SUGP1: variants seen among roughly 807,000 people sequenced by gnomAD.
The protein encoded by SUGP1 is SURP and G-patch domain containing 1, also known as SURP and G-patch domain-containing protein 1.
A neutral mutation model predicts 76.5 loss-of-function variants in SUGP1; 34 were observed. The ratio of observed to expected loss-of-function variants is 0.44; its 90% CI spans 0.34 to 0.59. The LOEUF is 0.59. Among genes scored for constraint, SUGP1 ranks in the 20% least tolerant of loss-of-function variants. The probability of loss-of-function intolerance (pLI) is 0.01; values close to 1 mark genes in which losing one functional copy is unlikely to be tolerated. For synonymous variants in SUGP1, 326 were observed against 326.2 expected, an observed-to-expected ratio of 1.00 and a Z score of 0.01; for missense variants, 752 against 851.7, an observed-to-expected ratio of 0.88 and a Z score of 1.46.
chr19:19,300,797 G>A (rs2061266095), intron 7 of SUGP1, among the ~76,000 whole-genome samples: 1 of 152,108 alleles, frequency 6.6e-6, no homozygotes, highest in Non-Finnish European at 1.5e-5. Context: ...TGACAAGCTG[G>A]GCGCCTGTCA....
intron 7 of SUGP1, 28 bp from the exon 8 acceptor site, chr19:19,297,372 G>T: frequency 7.4e-7 from 1 of 1,349,278 alleles, no homozygotes; most frequent in Non-Finnish European, 1.0e-6. Context: ...GGGGTGCAGT[G>T]TCAGCTGGGC....
At chr19:19,297,736 G>C (rs2061239481) in intron 7 of SUGP1, among the ~76,000 whole-genome samples, 2 of 152,226 alleles carry the variant, frequency 1.3e-5, no homozygotes, top group Admixed American at 1.3e-4. Context: ...ACAGGGCAGA[G>C]GGACTTGTCT....
chr19:19,297,463 G>A, intron 7 of SUGP1, 119 bp from the exon 8 acceptor site: 5 of 587,230 alleles, frequency 8.5e-6, no homozygotes, highest in Non-Finnish European at 1.4e-5. Context: ...ATATGGTCAT[G>A]TCATAGTCAC....
chr19:19,303,493 T>C (rs932888304), intron 5 of SUGP1, 45 bp from the exon 6 acceptor site: 1 of 1,546,202 alleles, frequency 6.5e-7, no homozygotes, highest in African/African-American at 1.4e-5. Flanking sequence ...AATAAGTATC[T>C]GTGACAGGCA....
At chr19:19,280,161 G>A (rs757482424) in intron 9 of SUGP1, 24 bp downstream of exon 9, 30 of 1,607,378 alleles carry the variant, frequency 1.9e-5, no homozygotes, top group South Asian at 3.3e-5. Flanking sequence ...CCATGTCCCC[G>A]TCCCCTTGTC....
chr19:19,303,520 A>G, intron 5 of SUGP1, 72 bp from the exon 6 acceptor site: 2 of 1,475,386 alleles, frequency 1.4e-6, no homozygotes, highest in South Asian at 2.3e-5. Flanking sequence ...TGCAGCTTCT[A>G]TCGTGCAAAA....
At chr19:19,277,962 A>G (rs1034197056) in intron 11 of SUGP1, 83 bp from the exon 12 acceptor site, 30 of 1,556,180 alleles carry the variant, frequency 1.9e-5, no homozygotes, top group Non-Finnish European at 2.5e-5. Flanking sequence ...TTTGGTTTCA[A>G]TCAGTGCTGG....
Position 19,276,672 on chromosome 19 carries a change from G to A in SUGP1, c.1914C>T (p.Asn638=). 1 of 1,614,142 alleles carries A rather than the reference G, an allele frequency of 6.2e-7. No homozygotes were observed. Among genetic ancestry groups the A allele is most frequent in the Non-Finnish European group, 8.5e-7 (1 of 1,180,030 alleles). ...LAYRFRPNPL[N]NPRRPYY ...CTCAGTAGTAAGGCCGTCTGGGATT[G>A]TTCTGTGGAAGGCAAAACAGATAAC... Residue 638 remains asparagine (N), a splice_region_variant and synonymous_variant, in exon 14 of 14, where the codon AAC becomes AAT. Transcript: ENST00000247001.
chr19:19,288,056 T>G (rs2061154861), intron 8 of SUGP1, among the ~76,000 whole-genome samples: 1 of 151,388 alleles, frequency 6.6e-6, no homozygotes, highest in African/African-American at 2.4e-5. Flanking sequence ...TCCTCCCTTC[T>G]TTTTTTTTAA....
chr19:19,303,599 TG>T lies in SUGP1; in HGVS notation c.662+124del. 5 of 1,401,106 alleles carry T rather than the reference TG, an allele frequency of 3.6e-6. No individual in the cohort carries two copies. In the South Asian group the frequency reaches 4.8e-5, roughly 13 times the overall value. 86.8% of individuals were successfully genotyped at this position (1,401,106 alleles called of 1,614,324 possible). A position where few individuals can be genotyped will look rare whatever the true frequency, so the allele number is the denominator to read the frequency against. ...CCACATGGGAGCCACTTGTCACTTC[TG>T]GTGAGAATCAGAAAACGCTTGGAAC... On this transcript the variant is annotated intron_variant, in intron 5 of 13. Coordinates refer to ENST00000247001, the MANE Select transcript of SUGP1 (RefSeq NM_172231.4).
intron 7 of SUGP1, among the ~76,000 whole-genome samples, chr19:19,298,175 T>TAAAG (rs1178828447): frequency 1.3e-5 from 2 of 151,812 alleles, no homozygotes; most frequent in East Asian, 3.9e-4. Context: ...TAATGTGAAT[T>TAAAG]AAAGGGTCAA....
intron 2 of SUGP1, among the ~76,000 whole-genome samples, chr19:19,310,551 T>G (rs773241589): frequency 6.6e-6 from 1 of 152,190 alleles, no homozygotes; most frequent in South Asian, 2.1e-4. Flanking sequence ...TAGTTGATTA[T>G]CTGGGTTGTT....
At chr19:19,300,659 T>C (rs1361333808) in intron 7 of SUGP1, among the ~76,000 whole-genome samples, 1 of 152,200 alleles carries the variant, frequency 6.6e-6, no homozygotes, top group Non-Finnish European at 1.5e-5. Context: ...CACCCAGTTC[T>C]TTCCTGGTCC....
At chr19:19,296,935 C>T in intron 8 of SUGP1, 54 bp downstream of exon 8, 1 of 1,404,400 alleles carries the variant, frequency 7.1e-7, no homozygotes, top group African/African-American at 1.4e-5. Flanking sequence ...ACATTATGCT[C>T]AGTGAAAGAA....
At chr19:19,313,659 T>C (rs1466676759) in intron 2 of SUGP1, among the ~76,000 whole-genome samples, 2 of 152,018 alleles carry the variant, frequency 1.3e-5, no homozygotes, top group East Asian at 1.9e-4. Context: ...CAGTGAGCTA[T>C]GATAGTGCCA....
rs994608694 is a variant in SUGP1 at position 19,283,690 on chromosome 19, T to C, written c.1244-3399A>G. Among the ~76,000 whole-genome samples the C allele has an allele frequency of 1.1e-4, 16 of 152,136 alleles. 1 individual carries two copies. The highest frequency in any genetic ancestry group is 3.9e-4 in the African/African-American group (16 of 41,448). ...GGCTGGTCTCAAACTCCTGACTTCATTGATCCGCCCGCCTCGGCCTCCCAA... is the reference window on the plus strand; with the variant it reads ...GGCTGGTCTCAAACTCCTGACTTCACTGATCCGCCCGCCTCGGCCTCCCAA... On this transcript the variant is annotated intron_variant, in intron 8 of 13. Coordinates refer to ENST00000247001, the MANE Select transcript of SUGP1 (RefSeq NM_172231.4).
rs147525144 is a variant in SUGP1 at position 19,303,521 on chromosome 19, T to C, written c.663-73A>G. On this transcript the variant is annotated intron_variant, in intron 5 of 13. Transcript: ENST00000247001. ...GACAGGCATATCCCTGCAGCTTCTA[T>C]CGTGCAAAAAAAGGCAGGCTGGCGA... The C allele has an allele frequency of 0.012, 17,871 of 1,474,540 alleles. 131 individuals carry two copies. Among genetic ancestry groups the C allele is most frequent in the Middle Eastern group, 0.023 (132 of 5,798 alleles). 91.3% of individuals were successfully genotyped at this position (1,474,540 alleles called of 1,614,324 possible).
At chr19:19,301,648 C>A (rs964775266) in intron 7 of SUGP1, 3 of 152,758 alleles carry the variant, frequency 2.0e-5, no homozygotes, top group African/African-American at 7.2e-5. Flanking sequence ...CAGGCACCCA[C>A]CCGCCTCCCC....
chr19:19,287,040 T>C (rs367718036), intron 8 of SUGP1, among the ~76,000 whole-genome samples: 100 of 152,278 alleles, frequency 6.6e-4, no homozygotes, highest in African/African-American at 2.2e-3. Flanking sequence ...TTTGGAAGGC[T>C]GAGGCAGATG....
Sources: gnomAD v4.1 joint callset for allele counts (sites outside exome capture counted in the v4.1 genomes callset) on GRCh38, gnomAD v4.1.1 for gene constraint, MANE v1.5 for transcripts, NCBI Gene and HGNC (gene_info 2026-07-23, HGNC 2026-07-21) for gene names.